The following KIF26B variants were observed in gnomAD, a reference collection of about 807,000 sequenced individuals.
The protein encoded by KIF26B is kinesin-like protein KIF26B.
A neutral mutation model predicts 151.2 loss-of-function variants in KIF26B; 63 were observed. The ratio of observed to expected loss-of-function variants is 0.42; its 90% confidence interval spans 0.34 to 0.51. The LOEUF is 0.51. Among genes scored for constraint, KIF26B ranks in the 20% least tolerant of loss-of-function variants. KIF26B has a pLI of 0.07. For missense variants in KIF26B, 2,813 were observed against 2,913.6 expected, an observed-to-expected ratio of 0.97 and a Z score of 0.79; for synonymous variants, 1,357 against 1,262.1, an observed-to-expected ratio of 1.08 and a Z score of -1.59.
intron 10 of KIF26B, among the ~76,000 whole-genome samples, chr1:245,657,918 C>G (rs901272764): frequency 3.3e-5 from 5 of 152,184 alleles, no homozygotes; most frequent in African/African-American, 9.7e-5. Flanking sequence ...TGCCCACCAC[C>G]CAGGTTAGGA....
At chr1:245,361,996 G>A (rs887440337) in intron 2 of KIF26B, among the ~76,000 whole-genome samples, 6 of 151,618 alleles carry the variant, frequency 4.0e-5, no homozygotes, top group Non-Finnish European at 7.4e-5. Context: ...CCTCTGCGGT[G>A]GTCGTATACC....
At chr1:245,486,395 GA>G (rs5782349) in intron 4 of KIF26B, among the ~76,000 whole-genome samples, 90,607 of 150,588 alleles carry the variant, frequency 0.6, 28,797 homozygotes, top group East Asian at 0.81. Flanking sequence ...TTTAAGGGAG[GA>G]AAAAAAAAAG....
intron 5 of KIF26B, among the ~76,000 whole-genome samples, chr1:245,554,742 C>T (rs1236441576): frequency 6.6e-6 from 1 of 152,208 alleles, no homozygotes; most frequent in Admixed American, 6.5e-5. Context: ...GGACAGCTGA[C>T]GGTATAGCAG....
chr1:245,156,050 C>T (rs1344763461), intron 1 of KIF26B, among the ~76,000 whole-genome samples: 1 of 152,182 alleles, frequency 6.6e-6, no homozygotes, highest in African/African-American at 2.4e-5. Context: ...CTTCCTGACC[C>T]CAGGAGGAGG....
At chr1:245,425,446 G>A (rs142427718) in intron 4 of KIF26B, among the ~76,000 whole-genome samples, 2,253 of 152,066 alleles carry the variant, frequency 0.015, 55 homozygotes, top group African/African-American at 0.051. Context: ...TCGCTCTGTC[G>A]CCCAGGCTGG....
chr1:245,661,025 T>C (rs1043414977), intron 10 of KIF26B, among the ~76,000 whole-genome samples: 6 of 151,254 alleles, frequency 4.0e-5, no homozygotes, highest in African/African-American at 1.5e-4. Flanking sequence ...CTCACTCTGT[T>C]GTCCGGGCTG....
chr1:245,582,346 T>C lies in KIF26B; in HGVS notation c.1351-20231T>C, dbSNP rs562770908. 3.9e-5 allele frequency among the ~76,000 whole-genome samples: 6 copies of C among 152,350 alleles called. No homozygotes were observed. In the South Asian group the frequency reaches 8.3e-4, roughly 21 times the overall value. On this transcript the variant is annotated intron_variant, in intron 5 of 14. Coordinates refer to ENST00000407071, the MANE Select transcript of KIF26B (RefSeq NM_018012.4). ...TACAATGTATCAAGTCAATAACTTA[T>C]AATTTTAGAAAATCCCTGAATACAA...
intron 2 of KIF26B, among the ~76,000 whole-genome samples, chr1:245,296,326 G>A (rs1358668706): frequency 6.6e-6 from 1 of 152,070 alleles, no homozygotes; most frequent in African/African-American, 2.4e-5. Flanking sequence ...CTGTGCTGAA[G>A]AACCATCTCA....
chr1:245,543,376 A>G (rs775821587), intron 5 of KIF26B, among the ~76,000 whole-genome samples: 1 of 152,252 alleles, frequency 6.6e-6, no homozygotes, highest in Non-Finnish European at 1.5e-5. Flanking sequence ...TTAGTAAACT[A>G]AAGTTTGCAT....
chr1:245,304,864 A>G (rs1671507598), intron 2 of KIF26B, among the ~76,000 whole-genome samples: 1 of 151,514 alleles, frequency 6.6e-6, no homozygotes, highest in Non-Finnish European at 1.5e-5. Context: ...AACGAGACAG[A>G]CCCATCTTTA....
At chr1:245,391,097 A>G (rs1017408818) in intron 3 of KIF26B, among the ~76,000 whole-genome samples, 14 of 152,098 alleles carry the variant, frequency 9.2e-5, no homozygotes, top group African/African-American at 3.1e-4. Flanking sequence ...TTTTGATACT[A>G]TATTATGGAA....
rs551927243 is a variant in KIF26B, at chr1:245,239,190, C to T, written c.465+82507C>T. ...GAAGATGGACATGGGCAGGAGTTAA[C>T]GCGTCCTCCAGAGAATGCCTCCATG... On this transcript the variant is annotated intron_variant, in intron 2 of 14. Coordinates refer to ENST00000407071, the MANE Select transcript of KIF26B (RefSeq NM_018012.4). This position sits in a 1 kb window ranked among gnomAD's most constrained non-coding sequence, Gnocchi z 4.3. Among the ~76,000 whole-genome samples the T allele has an allele frequency of 2.8e-4, 43 of 152,232 alleles. No homozygotes were observed. The South Asian group carries it at 3.9e-3, about 14-fold the overall frequency.
chr1:245,229,263 C>T (rs1669941975), intron 2 of KIF26B, among the ~76,000 whole-genome samples: 1 of 152,098 alleles, frequency 6.6e-6, no homozygotes, highest in Non-Finnish European at 1.5e-5. Flanking sequence ...TGAGCCACCG[C>T]CCCCTGCCGG....
At chr1:245,212,624 G>A (rs961421704) in intron 2 of KIF26B, among the ~76,000 whole-genome samples, 5 of 152,272 alleles carry the variant, frequency 3.3e-5, no homozygotes, top group South Asian at 2.1e-4. Flanking sequence ...GCTAACTTCC[G>A]TTTGCCTGCC....
rs115352650 is a variant in KIF26B, at chr1:245,527,383, G to T, written c.1167-13384G>T. ...TGTCTTTCTCTGTCTATATTTATAG[G>T]CAACCGAAATAGCTGGGTTGTAGGT... is the stretch of plus-strand genomic sequence containing the variant. On this transcript the variant is annotated intron_variant, in intron 4 of 14. Transcript: ENST00000407071. Among the ~76,000 whole-genome samples, 885 of 152,154 alleles carry T rather than the reference G, an allele frequency of 5.8e-3. 11 individuals carry two copies. The highest frequency in any genetic ancestry group is 0.021 in the African/African-American group (861 of 41,486).
rs61829939 is a variant in KIF26B at position 245,528,135 on chromosome 1, A to G, written c.1167-12632A>G. Among the ~76,000 whole-genome samples the G allele has an allele frequency of 7.1e-3, 1,075 of 152,228 alleles. 6 individuals are homozygous for G. The highest frequency in any genetic ancestry group is 0.01 in the Non-Finnish European group (711 of 68,010). ...AGATGAAAAAGAAAGATCCACCCAC[A>G]CTGGCGCCGAGGCTTGCAAGTGGAT... On this transcript the variant is annotated intron_variant, in intron 4 of 14. Coordinates refer to ENST00000407071, the MANE Select transcript of KIF26B (RefSeq NM_018012.4).
At chr1:245,454,118 A>G (rs973033751) in intron 4 of KIF26B, among the ~76,000 whole-genome samples, 2 of 152,184 alleles carry the variant, frequency 1.3e-5, no homozygotes, top group South Asian at 2.1e-4. Context: ...ATTGGTTTTA[A>G]TGAGATCCTA....
intron 12 of KIF26B, among the ~76,000 whole-genome samples, chr1:245,694,305 G>A (rs960512568): frequency 6.6e-6 from 1 of 152,230 alleles, no homozygotes; most frequent in African/African-American, 2.4e-5. Context: ...TCTCTGCTCT[G>A]ATATCTACAG....
At chr1:245,203,310 A>G (rs372826345) in intron 2 of KIF26B, among the ~76,000 whole-genome samples, 4 of 152,010 alleles carry the variant, frequency 2.6e-5, no homozygotes, top group East Asian at 3.9e-4. Flanking sequence ...CATAAGAAAA[A>G]TGGGCACAAC....
Sources: gnomAD v4.1 joint callset for allele counts (sites outside exome capture counted in the v4.1 genomes callset) on GRCh38, gnomAD v4.1.1 for gene constraint, Gnocchi (gnomAD v3.1) non-coding constraint, MANE v1.5 for transcripts, NCBI Gene and HGNC (gene_info 2026-07-23, HGNC 2026-07-21) for gene names.